Variants in RAB6A observed in about 807,000 individuals in gnomAD.
RAB6A encodes the protein ras-related protein Rab-6A.
A neutral mutation model predicts 32.3 loss-of-function variants in RAB6A; 8 were observed. The ratio of observed to expected loss-of-function variants is 0.25; its 90% CI spans 0.15 to 0.45. The LOEUF (loss-of-function observed/expected upper bound fraction) is 0.45. Among genes scored for constraint, RAB6A ranks in the 20% least tolerant of loss-of-function variants. The pLI is 1.00. For missense variants in RAB6A, 104 were observed against 249.4 expected, an observed-to-expected ratio of 0.42 and a Z score of 3.93; for synonymous variants, 73 against 82.1, an observed-to-expected ratio of 0.89 and a Z score of 0.60.
chr11:73,706,524 A>G (rs1945847905), intron 6 of RAB6A, among the ~76,000 whole-genome samples: 1 of 152,060 alleles, frequency 6.6e-6, no homozygotes, highest in Admixed American at 6.6e-5. Context: ...AAAAAAAAAA[A>G]AAAATTATTG....
At chr11:73,690,923 C>T (rs1044793019) in intron 6 of RAB6A, among the ~76,000 whole-genome samples, 4 of 150,978 alleles carry the variant, frequency 2.6e-5, no homozygotes, top group Admixed American at 6.6e-5. Flanking sequence ...CACGAACAGC[C>T]GCATCTCAGT....
At chr11:73,706,687 T>A (rs906582644) in intron 6 of RAB6A, among the ~76,000 whole-genome samples, 1 of 152,130 alleles carries the variant, frequency 6.6e-6, no homozygotes, top group Non-Finnish European at 1.5e-5. Flanking sequence ...CAAAAAGACC[T>A]GTTGTAAACA....
intron 1 of RAB6A, among the ~76,000 whole-genome samples, chr11:73,749,605 A>G (rs1946643566): frequency 6.6e-6 from 1 of 152,212 alleles, no homozygotes; most frequent in African/African-American, 2.4e-5. Flanking sequence ...GCCTTTTGGG[A>G]GGCCGAGGCC....
chr11:73,700,621 G>T (rs1438458652), intron 6 of RAB6A, among the ~76,000 whole-genome samples: 3 of 120,888 alleles, frequency 2.5e-5, no homozygotes, highest in South Asian at 3.2e-4. Flanking sequence ...GGGGGGGGGG[G>T]GGGAGGAGGG....
intron 1 of RAB6A, among the ~76,000 whole-genome samples, chr11:73,751,919 C>A (rs1946674635): frequency 6.6e-6 from 1 of 152,112 alleles, no homozygotes; most frequent in Non-Finnish European, 1.5e-5. Context: ...TAAAGACCCA[C>A]AAACCCACAC....
Position 73,675,641 on chromosome 11 carries a change from T to G in RAB6A, c.*2257A>C, listed in dbSNP as rs1370494181. The G allele has an allele frequency of 6.6e-6, 1 of 152,568 alleles. No homozygotes were observed. Among genetic ancestry groups the G allele is most frequent in the Non-Finnish European group, 1.5e-5 (1 of 68,044 alleles). 9.5% of individuals were successfully genotyped at this position (152,568 alleles called of 1,614,324 possible). On this transcript the variant is annotated 3_prime_UTR_variant, in exon 8 of 8. Coordinates refer to ENST00000336083, the MANE Select transcript of RAB6A (RefSeq NM_198896.2). ...GAATGGGAAACCAGGTCAATAATTG[T>G]TTTCTTTCGTGTTTTATTTATATAT...
At chr11:73,734,251 G>C (rs1946360381) in intron 1 of RAB6A, among the ~76,000 whole-genome samples, 1 of 152,062 alleles carries the variant, frequency 6.6e-6, no homozygotes, top group African/African-American at 2.4e-5. Flanking sequence ...TCAGCCTCCT[G>C]GGTAGCTGAG....
At chr11:73,719,001 A>G (rs564696846) in intron 3 of RAB6A, 27 of 976,172 alleles carry the variant, frequency 2.8e-5, no homozygotes, top group Non-Finnish European at 4.1e-5. Flanking sequence ...AGTAGAAAGA[A>G]GACTCATGCA....
At chr11:73,740,172 G>T (rs941851232) in intron 1 of RAB6A, among the ~76,000 whole-genome samples, 1 of 151,490 alleles carries the variant, frequency 6.6e-6, no homozygotes, top group East Asian at 1.9e-4. Flanking sequence ...AGATAGTATT[G>T]AACTAGACCA....
At chr11:73,704,779 G>A (rs1186692444) in intron 6 of RAB6A, among the ~76,000 whole-genome samples, 8 of 151,680 alleles carry the variant, frequency 5.3e-5, no homozygotes, top group East Asian at 2.0e-4. Flanking sequence ...GGCAGATCAC[G>A]AGGTCAGGAG....
chr11:73,743,190 A>G (rs556161577), intron 1 of RAB6A, among the ~76,000 whole-genome samples: 1 of 151,710 alleles, frequency 6.6e-6, no homozygotes, highest in South Asian at 2.1e-4. Flanking sequence ...CTGTAATCCC[A>G]GCTACTCCAG....
intron 2 of RAB6A, among the ~76,000 whole-genome samples, chr11:73,723,432 T>G (rs549991667): frequency 6.6e-6 from 1 of 152,100 alleles, no homozygotes; most frequent in Non-Finnish European, 1.5e-5. Context: ...TTCAAGCAAT[T>G]GTCCTGCCTC....
intron 1 of RAB6A, among the ~76,000 whole-genome samples, chr11:73,731,370 G>A (rs973939448): frequency 4.0e-5 from 6 of 151,400 alleles, no homozygotes; most frequent in Non-Finnish European, 5.9e-5. Context: ...TGGTGAAATC[G>A]TGTCTCTACT....
chr11:73,745,058 C>T (rs1266760366), intron 1 of RAB6A, among the ~76,000 whole-genome samples: 1 of 151,040 alleles, frequency 6.6e-6, no homozygotes, highest in East Asian at 1.9e-4. Flanking sequence ...CATTATTTCA[C>T]TCAAACACTT....
chr11:73,720,070 G>A (rs1288462439), intron 3 of RAB6A, among the ~76,000 whole-genome samples: 5 of 151,778 alleles, frequency 3.3e-5, no homozygotes, highest in African/African-American at 1.2e-4. Flanking sequence ...CTGTTTAGGT[G>A]ACAAGTATCT....
At chr11:73,747,995 C>G (rs1396982155) in intron 1 of RAB6A, among the ~76,000 whole-genome samples, 3 of 152,106 alleles carry the variant, frequency 2.0e-5, no homozygotes, top group Non-Finnish European at 4.4e-5. Flanking sequence ...TAATGTTTTT[C>G]CCTTTGTAAA....
chr11:73,711,708 C>A (rs1161241229), intron 5 of RAB6A, among the ~76,000 whole-genome samples: 2 of 152,170 alleles, frequency 1.3e-5, no homozygotes, highest in African/African-American at 4.8e-5. Context: ...ACTCTCTCTC[C>A]TCCATAGGAG....
intron 1 of RAB6A, among the ~76,000 whole-genome samples, chr11:73,731,907 A>T (rs939080013): frequency 6.6e-6 from 1 of 150,658 alleles, no homozygotes; most frequent in African/African-American, 2.4e-5. Flanking sequence ...ATGCCGAGCT[A>T]ATTTTTTGTT....
Position 73,707,444 on chromosome 11 carries a change from T to C in RAB6A, c.471A>G (p.Ala157=), listed in dbSNP as rs1455268339. The C allele has an allele frequency of 2.5e-6, 4 of 1,613,324 alleles. No individual in the cohort carries two copies. The highest frequency in any genetic ancestry group is 3.4e-6 in the Non-Finnish European group (4 of 1,179,324). ...ELNVMFIETS[A]KAGYNVKQLF... ...CCTGCTTTACATTGTATCCAGCTTTTGCACTAGTTTCAATAAACATAACAT... is the reference window on the plus strand; with the variant it reads ...CCTGCTTTACATTGTATCCAGCTTTCGCACTAGTTTCAATAAACATAACAT... The change falls in exon 6 of 8, where the codon GCA becomes GCG. Residue 157 remains alanine (A), a synonymous_variant. Transcript: ENST00000336083.
Sources: allele counts gnomAD v4.1 joint callset (sites outside exome capture counted in the v4.1 genomes callset), GRCh38; gene constraint gnomAD v4.1.1; transcripts MANE v1.5; gene names NCBI Gene and HGNC (gene_info 2026-07-23, HGNC 2026-07-21).